Variants in SLC25A48 observed in about 807,000 individuals in gnomAD.
The protein encoded by SLC25A48 is CTC-321K16.1.
SLC25A48 carries 29 observed loss-of-function variants against 32.2 expected under a neutral mutation model. The observed-to-expected ratio is 0.90, with a 90% CI of 0.67 to 1.23. The LOEUF is 1.23. Ranked by LOEUF, SLC25A48 falls within the 50% of genes most tolerant of loss-of-function variation. SLC25A48 has a pLI of 0.00. For synonymous variants in SLC25A48, 164 were observed against 172.3 expected (o/e 0.95, Z 0.38); for missense variants, 399 against 422.7 (o/e 0.94, Z 0.49).
intron 1 of SLC25A48, among the ~76,000 whole-genome samples, chr5:135,624,581 T>C (rs1280934435): frequency 6.6e-6 from 1 of 152,250 alleles, no homozygotes; most frequent in African/African-American, 2.4e-5. Flanking sequence ...ACTGGGATTC[T>C]ATGCCTGCCT....
At chr5:135,619,750 T>C (rs1329326735) in intron 1 of SLC25A48, among the ~76,000 whole-genome samples, 57 of 152,180 alleles carry the variant, frequency 3.7e-4, no homozygotes, top group Admixed American at 3.7e-3. Flanking sequence ...ATGTGATTTA[T>C]TAGCTGTAAA....
rs904088617 is a variant in SLC25A48 at position 135,645,355 on chromosome 5, T to C, written c.-521+10399T>C. Among the ~76,000 whole-genome samples, 29 of 152,242 alleles carry C rather than the reference T, an allele frequency of 1.9e-4. 2 individuals carry two copies. Among genetic ancestry groups the C allele is most frequent in the Admixed American group, 1.9e-3 (29 of 15,290 alleles). On this transcript the variant is annotated intron_variant, in intron 3 of 10. Transcript: ENST00000646290. ...TTATTTTGTTCACATAATTATTCAC[T>C]GAGCATGAAATACCCCTGAACAACC...
chr5:135,886,703 T>A lies in SLC25A48; in HGVS notation c.*8-1329T>A, dbSNP rs866978460. 4.1e-3 allele frequency among the ~76,000 whole-genome samples: 509 copies of A among 123,528 alleles called. 1 individual carries two copies. Among genetic ancestry groups the A allele is most frequent in the African/African-American group, 5.7e-3 (207 of 36,160 alleles). 81.0% of individuals were successfully genotyped at this position (123,528 alleles called of 152,430 possible). A position where few individuals can be genotyped will look rare whatever the true frequency, so the allele number is the denominator to read the frequency against. Reference sequence around the variant, plus strand: ...GAGAGAGAGAGAGAGAGAGAGAGAGTGTGTGTGTGTGTGTGTAGTCTGACT... The same window carrying A: ...GAGAGAGAGAGAGAGAGAGAGAGAGAGTGTGTGTGTGTGTGTAGTCTGACT... On this transcript the variant is annotated intron_variant, in intron 7 of 7. Transcript: ENST00000681962.
At chr5:135,879,608 G>A (rs1435299268) in intron 6 of SLC25A48, among the ~76,000 whole-genome samples, 2 of 125,474 alleles carry the variant, frequency 1.6e-5, no homozygotes, top group Non-Finnish European at 3.0e-5. Context: ...GAGAGAGAGA[G>A]AGAGTGTGTG....
intron 3 of SLC25A48, among the ~76,000 whole-genome samples, chr5:135,671,402 C>T (rs952507191): frequency 6.6e-6 from 1 of 152,220 alleles, no homozygotes; most frequent in African/African-American, 2.4e-5. Context: ...TGCACAATAT[C>T]AGTTCCATTT....
At chr5:135,838,310 C>T (rs931000730) in intron 1 of SLC25A48, among the ~76,000 whole-genome samples, 2 of 152,088 alleles carry the variant, frequency 1.3e-5, no homozygotes, top group Non-Finnish European at 2.9e-5. Flanking sequence ...TATGTATTCA[C>T]AAAGATATGG....
intron 3 of SLC25A48, among the ~76,000 whole-genome samples, chr5:135,638,046 A>G (rs1424561156): frequency 6.6e-6 from 1 of 152,222 alleles, no homozygotes; most frequent in East Asian, 1.9e-4. Flanking sequence ...TCAGCCACGG[A>G]ACAGTTGTGA....
At chr5:135,833,904 A>T (rs1217699134), upstream of SLC25A48, among the ~76,000 whole-genome samples, 1 of 152,234 alleles carries the variant, frequency 6.6e-6, no homozygotes, top group Non-Finnish European at 1.5e-5. Context: ...GGACAAGAGC[A>T]GGCCCAGCAG....
chr5:135,832,737 T>C (rs1290509654), upstream of SLC25A48, among the ~76,000 whole-genome samples: 4 of 151,778 alleles, frequency 2.6e-5, no homozygotes, highest in African/African-American at 9.7e-5. Flanking sequence ...AAATGGGGAG[T>C]GGGCCACTAG....
intron 3 of SLC25A48, among the ~76,000 whole-genome samples, chr5:135,797,027 T>A (rs11242294): frequency 0.66 from 99,450 of 151,668 alleles, 34,592 homozygotes; most frequent in Non-Finnish European, 0.78. Flanking sequence ...AGAAAAGGAC[T>A]AATATTACTC....
At chr5:135,778,668 G>A (rs1031944477) in intron 3 of SLC25A48, among the ~76,000 whole-genome samples, 27 of 147,318 alleles carry the variant, frequency 1.8e-4, no homozygotes, top group African/African-American at 5.5e-4. Flanking sequence ...ATTGCTCCCA[G>A]TATCACAGGG....
intron 3 of SLC25A48, among the ~76,000 whole-genome samples, chr5:135,640,393 A>G (rs1752804392): frequency 6.6e-6 from 1 of 152,210 alleles, no homozygotes; most frequent in Non-Finnish European, 1.5e-5. Flanking sequence ...TTTTTGGAAA[A>G]CATCAACTTC....
chr5:135,866,377 G>A (rs1014374119), intron 4 of SLC25A48, among the ~76,000 whole-genome samples: 10 of 152,220 alleles, frequency 6.6e-5, no homozygotes, highest in East Asian at 1.9e-4. Flanking sequence ...AGCATTGACT[G>A]AGAAAGGAAA....
intron 7 of SLC25A48, among the ~76,000 whole-genome samples, chr5:135,885,143 A>C (rs1414446819): frequency 6.6e-6 from 1 of 152,148 alleles, no homozygotes; most frequent in Non-Finnish European, 1.5e-5. Context: ...GGGACACATA[A>C]GTATGGCGTC....
At chr5:135,666,385 G>A (rs1431392397) in intron 3 of SLC25A48, among the ~76,000 whole-genome samples, 2 of 152,142 alleles carry the variant, frequency 1.3e-5, no homozygotes, top group Admixed American at 1.3e-4. Flanking sequence ...ATACCCCGGG[G>A]ATCTGCTGTC....
intron 7 of SLC25A48, among the ~76,000 whole-genome samples, chr5:135,886,337 G>A (rs949133391): frequency 3.6e-4 from 46 of 127,696 alleles, no homozygotes; most frequent in African/African-American, 1.4e-3. Flanking sequence ...GGCAGACAAT[G>A]CCTCAGCACA....
At chr5:135,872,666 A>T (rs1761748608) in intron 5 of SLC25A48, 1 of 152,274 alleles carries the variant, frequency 6.6e-6, no homozygotes, top group Admixed American at 6.5e-5. Context: ...CCATAGCCAG[A>T]AGGGCCTTTG....
chr5:135,670,416 T>A (rs1753627710), intron 3 of SLC25A48, among the ~76,000 whole-genome samples: 1 of 152,200 alleles, frequency 6.6e-6, no homozygotes, highest in Non-Finnish European at 1.5e-5. Context: ...CTCCCTGCTG[T>A]AGTCTTTTCC....
chr5:135,815,090 T>A (rs1757682934), intron 4 of SLC25A48, among the ~76,000 whole-genome samples: 1 of 152,160 alleles, frequency 6.6e-6, no homozygotes. Flanking sequence ...GGGCCTGCTA[T>A]GGAGATCCTG....
Sources: gnomAD v4.1 joint callset for allele counts (sites outside exome capture counted in the v4.1 genomes callset) on GRCh38, gnomAD v4.1.1 for gene constraint, MANE v1.5 for transcripts, NCBI Gene and HGNC (gene_info 2026-07-23, HGNC 2026-07-21) for gene names.